SDK1: variants seen among roughly 807,000 people sequenced by gnomAD.
The protein encoded by SDK1 is sidekick cell adhesion molecule 1.
Under a neutral mutation model 245.5 loss-of-function variants are expected in SDK1, and 157 were observed. The ratio of observed to expected loss-of-function variants is 0.64; its 90% CI spans 0.56 to 0.73. The LOEUF is 0.73. Among genes scored for constraint, SDK1 ranks in the 30% least tolerant of loss-of-function variants. The pLI is 0.00. For missense variants in SDK1, 3,583 were observed against 3,002.3 expected (o/e 1.19, Z -4.52); for synonymous variants, 1,647 against 1,278.5 (o/e 1.29, Z -6.15).
intron 1 of SDK1, among the ~76,000 whole-genome samples, chr7:3,387,929 A>G (rs1781650783): frequency 1.3e-5 from 2 of 152,234 alleles, no homozygotes; most frequent in South Asian, 2.1e-4. Flanking sequence ...TGTGCTACAT[A>G]GAAGTTACAT....
rs59762021 is a variant in SDK1 at position 3,309,524 on chromosome 7, ATTTTTT to A, written c.298+7653_298+7658del. Among the ~76,000 whole-genome samples, 200 of 127,346 alleles carry A rather than the reference ATTTTTT, an allele frequency of 1.6e-3. 3 individuals carry two copies. The highest frequency in any genetic ancestry group is 5.3e-3 in the African/African-American group (193 of 36,350). The allele number at this position is 127,346 out of a possible 152,430, so 83.5% of individuals were successfully genotyped here. A position where few individuals can be genotyped will look rare whatever the true frequency, so the allele number is the denominator to read the frequency against. On this transcript the variant is annotated intron_variant, in intron 1 of 44. Coordinates refer to ENST00000404826, the MANE Select transcript of SDK1 (RefSeq NM_152744.4). Reference sequence around the variant, plus strand: ...AGTGGCAGAGTGTCACTAGAAAAAGATTTTTTTTTTTTTTTTTTACATGAGTGTATA... The same window carrying A: ...AGTGGCAGAGTGTCACTAGAAAAAGATTTTTTTTTTTTACATGAGTGTATA...
intron 1 of SDK1, among the ~76,000 whole-genome samples, chr7:3,499,719 G>A (rs1025037226): frequency 6.6e-5 from 10 of 152,204 alleles, no homozygotes; most frequent in African/African-American, 2.2e-4. Flanking sequence ...AGCTGAGTCT[G>A]GGTCATAGCC....
At chr7:3,482,517 C>G (rs1382583202) in intron 1 of SDK1, among the ~76,000 whole-genome samples, 1 of 152,162 alleles carries the variant, frequency 6.6e-6, no homozygotes, top group African/African-American at 2.4e-5. Context: ...AGAAAGAAAT[C>G]TCTGCGCAGA....
chr7:4,247,675 G>A (rs1027033450), intron 44 of SDK1, among the ~76,000 whole-genome samples: 1 of 152,218 alleles, frequency 6.6e-6, no homozygotes, highest in Non-Finnish European at 1.5e-5. Flanking sequence ...GGTGGTTCCT[G>A]TGTGCTGAGC....
intron 1 of SDK1, among the ~76,000 whole-genome samples, chr7:3,541,976 G>A (rs1048709569): frequency 2.0e-5 from 3 of 152,188 alleles, no homozygotes; most frequent in Non-Finnish European, 2.9e-5. Flanking sequence ...TGTGGGTGCA[G>A]CACATCAACA....
intron 1 of SDK1, among the ~76,000 whole-genome samples, chr7:3,420,398 C>G (rs796488988): frequency 8.5e-5 from 13 of 152,258 alleles, no homozygotes; most frequent in African/African-American, 2.9e-4. Context: ...TGGATTTTTC[C>G]TTTCTCACCA....
chr7:4,245,090 G>C (rs776753402), intron 43 of SDK1, among the ~76,000 whole-genome samples: 1 of 152,156 alleles, frequency 6.6e-6, no homozygotes, highest in African/African-American at 2.4e-5. Flanking sequence ...TTAGAAGCAC[G>C]TCACAGGCCC....
intron 5 of SDK1, among the ~76,000 whole-genome samples, chr7:3,856,039 A>G (rs1247413866): frequency 6.6e-6 from 1 of 152,240 alleles, no homozygotes; most frequent in Non-Finnish European, 1.5e-5. Context: ...GATAGCATTA[A>G]TACAGAACTA....
At chr7:4,113,162 G>T in intron 23 of SDK1, 127 bp from the exon 24 acceptor site, 1 of 1,006,854 alleles carries the variant, frequency 9.9e-7, no homozygotes, top group Non-Finnish European at 1.5e-6. Context: ...TTGAGCAATA[G>T]CCTTTATGAT....
intron 4 of SDK1, among the ~76,000 whole-genome samples, chr7:3,659,294 G>T (rs772214597): frequency 1.3e-5 from 2 of 151,980 alleles, no homozygotes; most frequent in African/African-American, 4.8e-5. Context: ...TATCACATAG[G>T]TTCCTGTTCT....
chr7:3,998,254 C>T (rs1185447089), intron 14 of SDK1, among the ~76,000 whole-genome samples: 2 of 152,222 alleles, frequency 1.3e-5, no homozygotes, highest in Admixed American at 6.5e-5. Flanking sequence ...CCTATGGGCT[C>T]CTTGGAGCAA....
chr7:4,103,235 T>C (rs1584140735), intron 22 of SDK1, among the ~76,000 whole-genome samples: 1 of 152,072 alleles, frequency 6.6e-6, no homozygotes, highest in Non-Finnish European at 1.5e-5. Flanking sequence ...CTCCTGACCT[T>C]GTGATCCACC....
chr7:4,127,574 C>A, intron 26 of SDK1, 78 bp downstream of exon 26: 1 of 1,020,294 alleles, frequency 9.8e-7, no homozygotes, highest in Non-Finnish European at 1.5e-6. Flanking sequence ...TCCCCCAAAG[C>A]AACGAGCTTC....
intron 1 of SDK1, among the ~76,000 whole-genome samples, chr7:3,388,809 C>T (rs76320400): frequency 1.2e-4 from 19 of 152,210 alleles, no homozygotes; most frequent in Non-Finnish European, 1.9e-4. Context: ...GTGTGTTTAT[C>T]GAGTACCTAC....
chr7:3,440,123 C>A (rs1450115015), intron 1 of SDK1, among the ~76,000 whole-genome samples: 1 of 152,146 alleles, frequency 6.6e-6, no homozygotes, highest in Admixed American at 6.5e-5. Flanking sequence ...GTAAATAATT[C>A]ATCAGTTTTA....
At chr7:3,819,062 T>C (rs975279934) in intron 4 of SDK1, among the ~76,000 whole-genome samples, 2 of 152,204 alleles carry the variant, frequency 1.3e-5, no homozygotes, top group African/African-American at 4.8e-5. Flanking sequence ...GAATTTAAAA[T>C]TAAGATGAAT....
rs532805572 is a variant in SDK1 at position 3,347,271 on chromosome 7, GCA to G, written c.298+45390_298+45391del. Reference sequence around the variant, plus strand: ...TTTTGTAGTACTCTGACAACACTTGGCACATATCTTCTTATACTCTTTTGTAT... The same window carrying G: ...TTTTGTAGTACTCTGACAACACTTGGCATATCTTCTTATACTCTTTTGTAT... On this transcript the variant is annotated intron_variant, in intron 1 of 44. Coordinates refer to ENST00000404826, the MANE Select transcript of SDK1 (RefSeq NM_152744.4). 6.7e-3 allele frequency among the ~76,000 whole-genome samples: 1,023 copies of G among 151,914 alleles called. 6 individuals carry two copies. Among genetic ancestry groups the G allele is most frequent in the Non-Finnish European group, 9.6e-3 (654 of 67,982 alleles).
chr7:3,483,476 T>C (rs917621733), intron 1 of SDK1, among the ~76,000 whole-genome samples: 24 of 152,308 alleles, frequency 1.6e-4, no homozygotes, highest in Admixed American at 7.2e-4. Flanking sequence ...GCCTCTGATT[T>C]TCTAGGTGAA....
At chr7:3,604,587 T>TTTTTC (rs1372716126) in intron 1 of SDK1, among the ~76,000 whole-genome samples, 5 of 147,636 alleles carry the variant, frequency 3.4e-5, no homozygotes, top group East Asian at 2.0e-4. Context: ...AGACTTTTTC[T>TTTTTC]TTTTCTTTTC....
Sources: allele counts gnomAD v4.1 joint callset (sites outside exome capture counted in the v4.1 genomes callset), GRCh38; gene constraint gnomAD v4.1.1; transcripts MANE v1.5; gene names NCBI Gene and HGNC (gene_info 2026-07-23, HGNC 2026-07-21).